The following CCDC106 variants were observed in gnomAD, a reference collection of about 807,000 sequenced individuals.
CCDC106 encodes the protein coiled-coil domain containing 106, also known as coiled-coil domain-containing protein 106.
A neutral mutation model predicts 24.7 loss-of-function variants in CCDC106; 17 were observed. The observed-to-expected ratio is 0.69, with a 90% confidence interval of 0.47 to 1.03. CCDC106 has a LOEUF of 1.03. CCDC106 is among the 50% of genes least tolerant of loss of function. The pLI is 0.00. For synonymous variants in CCDC106, 211 were observed against 161.3 expected, an observed-to-expected ratio of 1.31 and a Z score of -2.34; for missense variants, 337 against 388.9, an observed-to-expected ratio of 0.87 and a Z score of 1.12.
At position 55,649,215 on chromosome 19, in the gene CCDC106, T is replaced by C; in HGVS notation, c.42T>C (p.Asp14=). The change falls in exon 2 of 5, where the codon GAT becomes GAC. Residue 14 remains aspartate (D), a synonymous_variant. Coordinates refer to ENST00000586790, the MANE Select transcript of CCDC106 (RefSeq NM_001370470.1). ...GCCTCTCCTCTCCAGTGAAGGACGA[T>C]GAGACCTTCGAGATCTCCATTCCCT... ...RSSRRRTMKD[D]ETFEISIPFD... 6.2e-7 allele frequency: 1 copy of C among 1,613,378 alleles called. No individual in the cohort carries two copies. The highest frequency in any genetic ancestry group is 1.6e-4 in the Middle Eastern group (1 of 6,062).
chr19:55,648,867 C>G lies in CCDC106; in HGVS notation c.-180C>G, dbSNP rs964413707. The G allele has an allele frequency of 5.7e-6, 4 of 700,334 alleles. No homozygotes were observed. In the African/African-American group the frequency reaches 7.1e-5, roughly 12 times the overall value. The allele number at this position is 700,334 out of a possible 1,614,324, so 43.4% of individuals were successfully genotyped here. ...AGCCCAGGCGCGTTTTGCCTCAGTC[C>G]TGGGGTCCAGGCTCCCTCCTCCCTC... is the stretch of plus-strand genomic sequence containing the variant. On this transcript the variant is annotated 5_prime_UTR_variant, in exon 1 of 5. Coordinates refer to ENST00000586790, the MANE Select transcript of CCDC106 (RefSeq NM_001370470.1).
rs920670122 is a variant in CCDC106, at chr19:55,649,276, T to C, written c.103T>C (p.Tyr35His). 1 of 1,614,036 alleles carries C rather than the reference T, an allele frequency of 6.2e-7. No individual in the cohort carries two copies. Residue 35 changes from tyrosine (Y) to histidine (H), a missense_variant, in exon 2 of 5, where the codon TAC becomes CAC. Around this residue, in one of 2 missense-constraint regions of CCDC106, gnomAD observed 234 missense variants for 236.5 expected, o/e 0.99. Transcript: ENST00000586790. ...EAPHLDPQIFYSLSPSRRNFE... is the reference protein window; with the variant it reads ...EAPHLDPQIFHSLSPSRRNFE... ...ACCCCACCTAGACCCACAGATCTTT[T>C]ACAGTCTGAGCCCCTCTCGGAGAAA...
rs1027431331 is a variant in CCDC106, at chr19:55,653,124, A to T, written c.*378A>T. ...GCGTGAGACAGAGAATTATTCAGAT[A>T]ATTTAAATTAAAAAACGACGTGAAA... On this transcript the variant is annotated 3_prime_UTR_variant, in exon 5 of 5. Transcript: ENST00000586790. 2 of 172,072 alleles carry T rather than the reference A, an allele frequency of 1.2e-5. No homozygotes were observed. The highest frequency in any genetic ancestry group is 1.2e-5 in the Non-Finnish European group (1 of 81,374). The allele number at this position is 172,072 out of a possible 1,614,324, so 10.7% of individuals were successfully genotyped here. A position where few individuals can be genotyped will look rare whatever the true frequency, so the allele number is the denominator to read the frequency against.
intron 1 of CCDC106, 35 bp downstream of exon 1, chr19:55,649,112 C>T (rs1983061433): frequency 6.2e-7 from 1 of 1,613,552 alleles, no homozygotes; most frequent in Non-Finnish European, 8.5e-7. Flanking sequence ...TACCCTGGGT[C>T]CCAGTGCGGT....
rs376857856 is a variant in CCDC106 at position 55,649,440 on chromosome 19, C to T, written c.169C>T (p.Leu57=). The part of the protein sequence containing the change: ...PPEAASSALA[L]MNSVKTQLHM... ...GGAGGCTGCGTCCTCCGCCCTGGCT[C>T]TGATGAACAGCGTCAAGACCCAGCT... The change falls in exon 3 of 5, where the codon CTG becomes TTG. Residue 57 remains leucine, a synonymous_variant. Coordinates refer to ENST00000586790, the MANE Select transcript of CCDC106 (RefSeq NM_001370470.1). The T allele has an allele frequency of 1.7e-5, 27 of 1,614,014 alleles. No homozygotes were observed. The highest frequency in any genetic ancestry group is 4.0e-5 in the African/African-American group (3 of 74,914).
In CCDC106 at chr19:55,652,772, C is replaced by T. The variant is rs1264774376; in HGVS notation, c.*26C>T. 6.3e-7 allele frequency: 1 copy of T among 1,577,638 alleles called. No homozygotes were observed. The highest frequency in any genetic ancestry group is 1.9e-4 in the Middle Eastern group (1 of 5,300). ...TCGCACCACGCCTCCGCGCCTCCAC[C>T]CGGGCCTTCCTCCCCCGTGGACCCC... On this transcript the variant is annotated 3_prime_UTR_variant, in exon 5 of 5. Transcript: ENST00000586790. This position sits in a 1 kb window ranked among gnomAD's most constrained non-coding sequence, Gnocchi z 5.9.
rs2287791 is a variant in CCDC106, at chr19:55,651,410, C to T, written c.441C>T (p.Ser147=). Residue 147 remains serine, a synonymous_variant, in exon 4 of 5, where the codon AGC becomes AGT. Transcript: ENST00000586790. Reference sequence around the variant, plus strand: ...TCAGCGGAGCGTCCGAAGAAGGCAGCGCCAGTGAGAGGAGGCGGCAGAAGC... The same window carrying T: ...TCAGCGGAGCGTCCGAAGAAGGCAGTGCCAGTGAGAGGAGGCGGCAGAAGC... ...SSLSGASEEG[S]ASERRRQKQK... is the part of the protein sequence containing the mutation. 1,440,607 of 1,609,262 alleles carry T rather than the reference C, an allele frequency of 0.9. 648,132 individuals are homozygous for T. Among genetic ancestry groups the T allele is most frequent in the Admixed American group, 0.94 (55,587 of 59,326 alleles).
chr19:55,649,906 C>G (rs1983128518), intron 3 of CCDC106, among the ~76,000 whole-genome samples: 1 of 152,116 alleles, frequency 6.6e-6, no homozygotes, highest in African/African-American at 2.4e-5. Context: ...GAGAGCCCCT[C>G]TCTTCTGACT....
chr19:55,652,416 C>T lies in CCDC106; in HGVS notation c.527-14C>T. 5 of 1,581,660 alleles carry T rather than the reference C, an allele frequency of 3.2e-6. No individual in the cohort carries two copies. Among genetic ancestry groups the T allele is most frequent in the Non-Finnish European group, 4.3e-6 (5 of 1,159,756 alleles). On this transcript the variant is annotated splice_polypyrimidine_tract_variant and intron_variant, in intron 4 of 4. Transcript: ENST00000586790. This position sits in a 1 kb window ranked among gnomAD's most constrained non-coding sequence, Gnocchi z 5.9. ...CCTGCCCCTCACTTTCGTGTCCCCG[C>T]CTCCACCCCTCAGTGAAGGACGCCG...
Position 55,651,355 on chromosome 19 carries a change from C to A in CCDC106, c.386C>A (p.Ala129Asp). 2 of 1,612,924 alleles carry A rather than the reference C, an allele frequency of 1.2e-6. No homozygotes were observed. The highest frequency in any genetic ancestry group is 8.5e-7 in the Non-Finnish European group (1 of 1,179,666). The change falls in exon 4 of 5, where the codon GCC becomes GAC. Residue 129 changes from alanine to aspartate, a missense_variant. This residue lies in a region of CCDC106 where 234 missense variants were observed against 236.5 expected (regional missense o/e 0.99). Transcript: ENST00000586790. ...GDSRGGAGGE[A>D]SDPESAASSL... The stretch of plus-strand genomic sequence containing the variant: ...AGCCGTGGTGGGGCTGGGGGCGAGG[C>A]CTCGGACCCTGAGTCAGCAGCCTCC...
At chr19:55,647,507 GCTT>G (rs1300642819), upstream of CCDC106, among the ~76,000 whole-genome samples, 3 of 152,208 alleles carry the variant, frequency 2.0e-5, no homozygotes, top group Non-Finnish European at 4.4e-5. Flanking sequence ...GCTGGGCTGA[GCTT>G]CTGTGTGTCG....
At position 55,652,767 on chromosome 19, in the gene CCDC106, T is replaced by A; in HGVS notation, c.*21T>A. The A allele has an allele frequency of 6.3e-7, 1 of 1,586,602 alleles. No homozygotes were observed. Among genetic ancestry groups the A allele is most frequent in the South Asian group, 1.1e-5 (1 of 89,156 alleles). On this transcript the variant is annotated 3_prime_UTR_variant, in exon 5 of 5. Transcript: ENST00000586790. This position sits in a 1 kb window ranked among gnomAD's most constrained non-coding sequence, Gnocchi z 5.9. ...GGTGATCGCACCACGCCTCCGCGCC[T>A]CCACCCGGGCCTTCCTCCCCCGTGG...
chr19:55,649,597 T>G lies in CCDC106; in HGVS notation c.313+13T>G, dbSNP rs1334371274. ...CGGATGGAGGCAGGTGTGTGTGGGGTGCTCTGATCCACATGCCTCCCTGTC... is the reference window on the plus strand; with the variant it reads ...CGGATGGAGGCAGGTGTGTGTGGGGGGCTCTGATCCACATGCCTCCCTGTC... On this transcript the variant is annotated intron_variant, in intron 3 of 4. Transcript: ENST00000586790. The G allele has an allele frequency of 6.8e-6, 11 of 1,610,302 alleles. No individual in the cohort carries two copies. Among genetic ancestry groups the G allele is most frequent in the Middle Eastern group, 1.7e-4 (1 of 6,012 alleles).
At chr19:55,649,105 C>G (rs573453573) in intron 1 of CCDC106, 28 bp downstream of exon 1, 1 of 1,613,868 alleles carries the variant, frequency 6.2e-7, no homozygotes, top group South Asian at 1.1e-5. Flanking sequence ...CCTTCCCTAC[C>G]CTGGGTCCCA....
chr19:55,649,357 C>G, intron 2 of CCDC106, 48 bp downstream of exon 2: 3 of 1,612,718 alleles, frequency 1.9e-6, no homozygotes, highest in South Asian at 1.1e-5. Flanking sequence ...GGAAGCCAAG[C>G]CCTGAGTCCC....
chr19:55,651,565 G>T, intron 4 of CCDC106, 70 bp downstream of exon 4: 1 of 1,122,090 alleles, frequency 8.9e-7, no homozygotes, highest in Non-Finnish European at 1.3e-6. Flanking sequence ...CTTCCCAGAG[G>T]TCCCCCTTTC....
Position 55,652,332 on chromosome 19 carries a change from C to G in CCDC106, c.527-98C>G, listed in dbSNP as rs575660344. The G allele has an allele frequency of 7.2e-6, 8 of 1,104,108 alleles. No homozygotes were observed. In the East Asian group the frequency reaches 1.0e-4, roughly 14 times the overall value. 68.4% of individuals were successfully genotyped at this position (1,104,108 alleles called of 1,614,324 possible). A position where few individuals can be genotyped will look rare whatever the true frequency, so the allele number is the denominator to read the frequency against. On this transcript the variant is annotated intron_variant, in intron 4 of 4. Transcript: ENST00000586790. This position sits in a 1 kb window ranked among gnomAD's most constrained non-coding sequence, Gnocchi z 5.9. ...TGCACCGGCCCGTGCCTCTGCTCGC[C>G]GAGATCCTTTCTTCCCATGGCCGTT...
At position 55,651,288 on chromosome 19, in the gene CCDC106, C is replaced by T. The variant is rs1983243404; in HGVS notation, c.319C>T (p.His107Tyr). 1.2e-6 allele frequency: 2 copies of T among 1,612,066 alleles called. No individual in the cohort carries two copies. Among genetic ancestry groups the T allele is most frequent in the Non-Finnish European group, 1.7e-6 (2 of 1,178,580 alleles). ...GTGTGTCTCCATCTCCCCAGAGGAC[C>T]ACTGCCGGATGAAGCCTGGGCCCAG... Reference protein sequence around the residue: ...ISSARMEAEDHCRMKPGPRRM... With the variant: ...ISSARMEAEDYCRMKPGPRRM... Residue 107 changes from histidine to tyrosine, a missense_variant, in exon 4 of 5, where the codon CAC becomes TAC. Physicochemically the swap from His to Tyr is moderately conservative, Grantham distance 83. Around this residue, in one of 2 missense-constraint regions of CCDC106, gnomAD observed 234 missense variants for 236.5 expected, o/e 0.99. Transcript: ENST00000586790.
At position 55,652,337 on chromosome 19, in the gene CCDC106, TC is replaced by T; in HGVS notation, c.527-91del. On this transcript the variant is annotated intron_variant, in intron 4 of 4. Transcript: ENST00000586790. The surrounding 1 kb of genome is among the most constrained non-coding windows in gnomAD (Gnocchi z 5.9). ...CGGCCCGTGCCTCTGCTCGCCGAGA[TC>T]CTTTCTTCCCATGGCCGTTTCCCTT... The T allele has an allele frequency of 8.7e-7, 1 of 1,151,154 alleles. No homozygotes were observed. The allele number at this position is 1,151,154 out of a possible 1,614,324, so 71.3% of individuals were successfully genotyped here.
Sources: allele counts gnomAD v4.1 joint callset (sites outside exome capture counted in the v4.1 genomes callset), GRCh38; gene constraint gnomAD v4.1.1; regional missense constraint gnomAD v4.1.1; non-coding constraint Gnocchi (gnomAD v3.1); transcripts MANE v1.5; gene names NCBI Gene and HGNC (gene_info 2026-07-23, HGNC 2026-07-21).